Variants in FASTKD5 observed in about 807,000 individuals in gnomAD.
FASTKD5 encodes FAST kinase domains 5, also known as non-canonical pre-mRNAs endonuclease FASTKD5, mitochondrial.
Under a neutral mutation model 44.0 loss-of-function variants are expected in FASTKD5, and 30 were observed. The ratio of observed to expected loss-of-function variants is 0.68; its 90% CI spans 0.51 to 0.93. The LOEUF is 0.93. Among genes scored for constraint, FASTKD5 ranks in the 40% least tolerant of loss-of-function variants. FASTKD5 has a pLI of 0.00. For synonymous variants in FASTKD5, 335 were observed against 342.2 expected, an observed-to-expected ratio of 0.98 and a Z score of 0.23; for missense variants, 868 against 908.2, an observed-to-expected ratio of 0.96 and a Z score of 0.57.
Position 3,147,117 on chromosome 20 carries a change from G to A in FASTKD5, c.1954C>T (p.Gln652Ter). 1.2e-6 allele frequency: 2 copies of A among 1,613,844 alleles called. No individual in the cohort carries two copies. Among genetic ancestry groups the A allele is most frequent in the South Asian group, 1.1e-5 (1 of 91,088 alleles). Residue 652 changes from glutamine (Q) to a stop codon, truncating the protein, a stop_gained, in exon 2 of 2, where the codon CAG (glutamine) becomes TAG (stop). Coordinates refer to ENST00000380266, the MANE Select transcript of FASTKD5 (RefSeq NM_021826.5). LOFTEE classifies it low-confidence loss of function (END_TRUNC). ...TTATTCTCCAACTCCATGGGCTGCT[G>A]CCCAGGCTCTGACTCAGTTTTGCCC... ...FQGKTESEPG[Q>*]QPMELENKAA...
Position 3,148,624 on chromosome 20 carries a change from G to A in FASTKD5, c.447C>T (p.His149=), listed in dbSNP as rs1390304463. The change falls in exon 2 of 2, where the codon CAC becomes CAT. Residue 149 remains histidine (H), a synonymous_variant. Coordinates refer to ENST00000380266, the MANE Select transcript of FASTKD5 (RefSeq NM_021826.5). ...LSVSEGELIL[H]KVRVNQNNLQ... ...GATTATTTTGATTAACTCTGACTTT[G>A]TGCAAAATTAGTTCACCTTCTGAAA... 6.2e-7 allele frequency: 1 copy of A among 1,614,156 alleles called. No individual in the cohort carries two copies. Among genetic ancestry groups the A allele is most frequent in the Non-Finnish European group, 8.5e-7 (1 of 1,180,026 alleles).
Position 3,149,163 on chromosome 20 carries a change from CT to C in FASTKD5, c.-94del. 5.7e-6 allele frequency: 8 copies of C among 1,413,144 alleles called. No individual in the cohort carries two copies. The highest frequency in any genetic ancestry group is 7.7e-6 in the Non-Finnish European group (8 of 1,044,170). The allele number at this position is 1,413,144 out of a possible 1,614,324, so 87.5% of individuals were successfully genotyped here. A position where few individuals can be genotyped will look rare whatever the true frequency, so the allele number is the denominator to read the frequency against. ...TTGTTTATATGGTGCTTGATTAGAG[CT>C]GGACGGGGAGGTGTTCCACAAAAAC... On this transcript the variant is annotated 5_prime_UTR_variant, in exon 2 of 2. An upstream open reading frame in the 5' UTR loses its in-frame stop. Coordinates refer to ENST00000380266, the MANE Select transcript of FASTKD5 (RefSeq NM_021826.5). This position sits in a 1 kb window ranked among gnomAD's most constrained non-coding sequence, Gnocchi z 4.1.
At chr20:3,154,588 T>C (rs1375902706) in intron 1 of FASTKD5, among the ~76,000 whole-genome samples, 3 of 151,916 alleles carry the variant, frequency 2.0e-5, no homozygotes, top group Non-Finnish European at 2.9e-5. Context: ...GAGGTAGAAG[T>C]GGGAAGGTTG....
chr20:3,146,740 C>G lies in FASTKD5; in HGVS notation c.*36G>C. The G allele has an allele frequency of 6.3e-7, 1 of 1,592,990 alleles. No homozygotes were observed. Among genetic ancestry groups the G allele is most frequent in the Non-Finnish European group, 8.5e-7 (1 of 1,170,236 alleles). ...TTGCAACACCTGGTACAGTATACAC[C>G]TATAGCTTTGCCATAGAAATGCCCC... On this transcript the variant is annotated 3_prime_UTR_variant, in exon 2 of 2. Transcript: ENST00000380266.
In FASTKD5 at chr20:3,146,608, T is replaced by G. The variant is rs1470108427; in HGVS notation, c.*168A>C. 5 of 716,114 alleles carry G rather than the reference T, an allele frequency of 7.0e-6. No homozygotes were observed. In the Admixed American group the frequency reaches 1.4e-4, roughly 20 times the overall value. The allele number at this position is 716,114 out of a possible 1,614,324, so 44.4% of individuals were successfully genotyped here. A position where few individuals can be genotyped will look rare whatever the true frequency, so the allele number is the denominator to read the frequency against. On this transcript the variant is annotated 3_prime_UTR_variant, in exon 2 of 2. Coordinates refer to ENST00000380266, the MANE Select transcript of FASTKD5 (RefSeq NM_021826.5). ...AGTAATTTGTACAATCCAACTACATTACAATTCACAGTAACATACACTAGC... is the reference window on the plus strand; with the variant it reads ...AGTAATTTGTACAATCCAACTACATGACAATTCACAGTAACATACACTAGC...
At chr20:3,153,780 A>G (rs746657183) in intron 1 of FASTKD5, among the ~76,000 whole-genome samples, 2 of 152,152 alleles carry the variant, frequency 1.3e-5, no homozygotes, top group Non-Finnish European at 2.9e-5. Flanking sequence ...AATGCTTGAG[A>G]CCAGAAGTGT....
At chr20:3,155,610 T>C (rs113598147) in intron 1 of FASTKD5, among the ~76,000 whole-genome samples, 87 of 152,294 alleles carry the variant, frequency 5.7e-4, no homozygotes, top group African/African-American at 1.8e-3. Context: ...GTTTAAACCA[T>C]GTACATGTAC....
intron 1 of FASTKD5, among the ~76,000 whole-genome samples, chr20:3,151,480 T>C (rs2066624381): frequency 6.6e-6 from 1 of 152,160 alleles, no homozygotes; most frequent in South Asian, 2.1e-4. Context: ...ACTATTTCTA[T>C]AAATGCAGAT....
chr20:3,159,146 G>A (rs145932951), intron 1 of FASTKD5, among the ~76,000 whole-genome samples: 6 of 152,204 alleles, frequency 3.9e-5, no homozygotes, highest in Non-Finnish European at 8.8e-5. Flanking sequence ...TCTTACCCAC[G>A]GAAAGAAAAA....
At position 3,146,861 on chromosome 20, in the gene FASTKD5, T is replaced by A; in HGVS notation, c.2210A>T (p.Tyr737Phe). The change falls in exon 2 of 2, where the codon TAC (tyrosine) becomes TTC (phenylalanine). Residue 737 changes from tyrosine (Y) to phenylalanine (F), a missense_variant. Coordinates refer to ENST00000380266, the MANE Select transcript of FASTKD5 (RefSeq NM_021826.5). Reference sequence around the variant, plus strand: ...TTTCAGTAGTGGGAGCCATTCCCAGTAGGATAACTCTACCACACGGTAGCC... The same window carrying A: ...TTTCAGTAGTGGGAGCCATTCCCAGAAGGATAACTCTACCACACGGTAGCC... ...RLGYRVVELS[Y>F]WEWLPLLKRT... 6.2e-7 allele frequency: 1 copy of A among 1,614,184 alleles called. No homozygotes were observed. The highest frequency in any genetic ancestry group is 8.5e-7 in the Non-Finnish European group (1 of 1,180,028).
Position 3,149,820 on chromosome 20 carries a change from C to G in FASTKD5, c.-190-560G>C, listed in dbSNP as rs1371154657. Among the ~76,000 whole-genome samples the G allele has an allele frequency of 6.6e-6, 1 of 152,104 alleles. No individual in the cohort carries two copies. Among genetic ancestry groups the G allele is most frequent in the Non-Finnish European group, 1.5e-5 (1 of 68,042 alleles). ...ATCACTTGAGGTCAGGAGTTCAAGA[C>G]CAGCCTGGCCAACAAGGCGAAATCC... is the stretch of plus-strand genomic sequence containing the variant. On this transcript the variant is annotated intron_variant, in intron 1 of 1. Coordinates refer to ENST00000380266, the MANE Select transcript of FASTKD5 (RefSeq NM_021826.5). The surrounding 1 kb of genome is among the most constrained non-coding windows in gnomAD (Gnocchi z 4.1).
At chr20:3,157,275 G>C (rs1249770312) in intron 1 of FASTKD5, among the ~76,000 whole-genome samples, 2 of 152,176 alleles carry the variant, frequency 1.3e-5, no homozygotes, top group African/African-American at 2.4e-5. Flanking sequence ...CACGGGAGCA[G>C]GGCCTCAGAG....
At chr20:3,155,066 AAAAAAAGAAAAG>A (rs2066670287) in intron 1 of FASTKD5, among the ~76,000 whole-genome samples, 2 of 148,016 alleles carry the variant, frequency 1.4e-5, no homozygotes, top group Non-Finnish European at 1.5e-5. Flanking sequence ...AAAAAAAAAA[AAAAAAAGAAAAG>A]AAAAGAAAAG....
chr20:3,148,581 CAAT>C lies in FASTKD5; in HGVS notation c.487_489del (p.Ile163del), dbSNP rs1340508524. On this transcript the variant is annotated inframe_deletion, in exon 2 of 2. Coordinates refer to ENST00000380266, the MANE Select transcript of FASTKD5 (RefSeq NM_021826.5). ...GAGCTCAGCTTACACAAATAATCAA[CAAT>C]GACTTGAGCCTGGAGATTATTTTGA... 1 of 1,614,054 alleles carries C rather than the reference CAAT, an allele frequency of 6.2e-7. No individual in the cohort carries two copies. The highest frequency in any genetic ancestry group is 8.5e-7 in the Non-Finnish European group (1 of 1,180,056).
At chr20:3,159,011 G>A (rs2066718526) in intron 1 of FASTKD5, among the ~76,000 whole-genome samples, 1 of 152,218 alleles carries the variant, frequency 6.6e-6, no homozygotes, top group African/African-American at 2.4e-5. Context: ...CACTGTCCAA[G>A]GGTCTGATCA....
rs773266818 is a variant in FASTKD5 at position 3,149,370 on chromosome 20, C to A, written c.-190-110G>T. On this transcript the variant is annotated intron_variant, in intron 1 of 1. Coordinates refer to ENST00000380266, the MANE Select transcript of FASTKD5 (RefSeq NM_021826.5). This position sits in a 1 kb window ranked among gnomAD's most constrained non-coding sequence, Gnocchi z 4.1. ...ACACTGCTGTCTACTCAAATAAGTT[C>A]AATGCTAGTAAATGCCCAAACCACA... 4 of 359,386 alleles carry A rather than the reference C, an allele frequency of 1.1e-5. No homozygotes were observed. The highest frequency in any genetic ancestry group is 2.0e-5 in the African/African-American group (1 of 48,902). The allele number at this position is 359,386 out of a possible 1,614,324, so 22.3% of individuals were successfully genotyped here.
In FASTKD5 at chr20:3,146,773, C is replaced by A; in HGVS notation, c.*3G>T. On this transcript the variant is annotated 3_prime_UTR_variant, in exon 2 of 2. Coordinates refer to ENST00000380266, the MANE Select transcript of FASTKD5 (RefSeq NM_021826.5). ...TTGCCATAGAAATGCCCCTAAATGC[C>A]CTTCAGAGAGCAGAGGTGAATACTT... 1 of 1,611,306 alleles carries A rather than the reference C, an allele frequency of 6.2e-7. No homozygotes were observed. The highest frequency in any genetic ancestry group is 1.1e-5 in the South Asian group (1 of 90,558).
At chr20:3,157,470 T>C (rs1360225180) in intron 1 of FASTKD5, among the ~76,000 whole-genome samples, 1 of 152,224 alleles carries the variant, frequency 6.6e-6, no homozygotes, top group Non-Finnish European at 1.5e-5. Flanking sequence ...TGAAACTTTT[T>C]CAGCTACACA....
Position 3,148,003 on chromosome 20 carries a change from T to C in FASTKD5, c.1068A>G (p.Leu356=). 6.2e-7 allele frequency: 1 copy of C among 1,614,168 alleles called. No homozygotes were observed. The highest frequency in any genetic ancestry group is 8.5e-7 in the Non-Finnish European group (1 of 1,180,034). ...AACGGAACATTTTAACAATATTCACTAAGGAGCGACTACTCAGATGCTGAA... is the reference window on the plus strand; with the variant it reads ...AACGGAACATTTTAACAATATTCACCAAGGAGCGACTACTCAGATGCTGAA... ...ANIQHLSSRS[L]VNIVKMFRFT... is the part of the protein sequence containing the mutation. Residue 356 remains leucine (L), a synonymous_variant, in exon 2 of 2, where the codon TTA becomes TTG. Coordinates refer to ENST00000380266, the MANE Select transcript of FASTKD5 (RefSeq NM_021826.5).
Sources: gnomAD v4.1 joint callset for allele counts (sites outside exome capture counted in the v4.1 genomes callset) on GRCh38, gnomAD v4.1.1 for gene constraint, Gnocchi (gnomAD v3.1) non-coding constraint, MANE v1.5 for transcripts, NCBI Gene and HGNC (gene_info 2026-07-23, HGNC 2026-07-21) for gene names.